Variants in NRG3 observed in about 807,000 individuals in gnomAD.
The protein encoded by NRG3 is pro-neuregulin-3, membrane-bound isoform.
In NRG3, 31 loss-of-function variants were observed where a neutral mutation model predicts 66.9. The observed-to-expected ratio is 0.46, with a 90% CI of 0.35 to 0.63. The LOEUF (loss-of-function observed/expected upper bound fraction) is 0.63, where lower values mean the gene tolerates loss of function less well. Among genes scored for constraint, NRG3 ranks in the 20% least tolerant of loss-of-function variants. The pLI is 0.00. For synonymous variants in NRG3, 393 were observed against 359.4 expected (o/e 1.09, Z -1.06); for missense variants, 910 against 878.9 (o/e 1.04, Z -0.45).
At chr10:82,610,312 T>C (rs546940048) in intron 2 of NRG3, among the ~76,000 whole-genome samples, 1 of 152,322 alleles carries the variant, frequency 6.6e-6, no homozygotes, top group South Asian at 2.1e-4. Flanking sequence ...CCTCTTGCCG[T>C]GTAAAGCAAT....
intron 3 of NRG3, among the ~76,000 whole-genome samples, chr10:82,852,365 G>A (rs972861107): frequency 9.9e-5 from 15 of 152,012 alleles, no homozygotes; most frequent in African/African-American, 3.6e-4. Context: ...AACCTAGATG[G>A]CAGGTTGACA....
At chr10:82,917,728 C>T (rs1845981461) in intron 4 of NRG3, among the ~76,000 whole-genome samples, 2 of 151,852 alleles carry the variant, frequency 1.3e-5, no homozygotes, top group South Asian at 2.1e-4. Flanking sequence ...ATAATGAAGT[C>T]TCTTGCTGCC....
chr10:82,114,424 C>G (rs1319053494), intron 1 of NRG3, among the ~76,000 whole-genome samples: 1 of 152,070 alleles, frequency 6.6e-6, no homozygotes, highest in Non-Finnish European at 1.5e-5. Context: ...CTAAAAAATT[C>G]AAATTATTTT....
At chr10:82,781,390 A>T (rs2060112859) in intron 3 of NRG3, among the ~76,000 whole-genome samples, 1 of 152,158 alleles carries the variant, frequency 6.6e-6, no homozygotes, top group Non-Finnish European at 1.5e-5. Flanking sequence ...ATCTGACCTT[A>T]TCAATTAGGA....
chr10:82,971,185 A>C (rs1357345527), intron 6 of NRG3, among the ~76,000 whole-genome samples: 1 of 152,140 alleles, frequency 6.6e-6, no homozygotes, highest in East Asian at 1.9e-4. Context: ...ATGAAGAATC[A>C]ACCCCCATGA....
chr10:82,430,288 C>T (rs566282658), intron 2 of NRG3, among the ~76,000 whole-genome samples: 5 of 151,610 alleles, frequency 3.3e-5, no homozygotes, highest in East Asian at 2.0e-4. Flanking sequence ...GATGGAGTCT[C>T]GCTCTGTCAC....
intron 2 of NRG3, among the ~76,000 whole-genome samples, chr10:82,532,486 T>A (rs886193750): frequency 6.7e-6 from 1 of 148,318 alleles, no homozygotes; most frequent in Non-Finnish European, 1.5e-5. Context: ...TATAGTACTC[T>A]CTATATATAG....
intron 3 of NRG3, among the ~76,000 whole-genome samples, chr10:82,746,563 C>G (rs917162439): frequency 1.3e-5 from 2 of 152,192 alleles, no homozygotes; most frequent in African/African-American, 4.8e-5. Flanking sequence ...GACACTTCCT[C>G]TCTGTCATCT....
chr10:82,065,380 C>A (rs929734346), intron 1 of NRG3, among the ~76,000 whole-genome samples: 7 of 152,162 alleles, frequency 4.6e-5, no homozygotes, highest in African/African-American at 1.7e-4. Flanking sequence ...TTGATAATAA[C>A]TTTTAGGTAA....
At chr10:82,080,037 A>G (rs996098313) in intron 1 of NRG3, among the ~76,000 whole-genome samples, 13 of 152,218 alleles carry the variant, frequency 8.5e-5, no homozygotes, top group Admixed American at 4.6e-4. Flanking sequence ...TGGAGAAATC[A>G]CAAAAGAACA....
intron 1 of NRG3, among the ~76,000 whole-genome samples, chr10:82,292,546 C>A (rs1487265733): frequency 6.6e-6 from 1 of 152,168 alleles, no homozygotes; most frequent in Non-Finnish European, 1.5e-5. Context: ...ATGTTCATAG[C>A]AGCTATAGTC....
intron 2 of NRG3, among the ~76,000 whole-genome samples, chr10:82,682,435 A>AGATAGATG (rs1554996026): frequency 1.1e-4 from 17 of 151,558 alleles, no homozygotes; most frequent in African/African-American, 4.1e-4. Flanking sequence ...ATAGATAGAT[A>AGATAGATG]GATAATAGAT....
chr10:82,659,368 A>G (rs1183968333), intron 2 of NRG3, among the ~76,000 whole-genome samples: 1 of 152,200 alleles, frequency 6.6e-6, no homozygotes, highest in African/African-American at 2.4e-5. Flanking sequence ...ACACATTAAA[A>G]TATTCTAGGC....
intron 2 of NRG3, among the ~76,000 whole-genome samples, chr10:82,521,277 G>A (rs539452487): frequency 2.0e-5 from 3 of 152,116 alleles, no homozygotes; most frequent in Non-Finnish European, 4.4e-5. Flanking sequence ...CTGGTGGAAG[G>A]TCTTGCCTCG....
At chr10:82,353,055 G>A (rs947770818) in intron 1 of NRG3, among the ~76,000 whole-genome samples, 1 of 152,160 alleles carries the variant, frequency 6.6e-6, no homozygotes, top group Non-Finnish European at 1.5e-5. Context: ...AGAGTATTTG[G>A]TGATTGCGCA....
At position 82,661,296 on chromosome 10, in the gene NRG3, A is replaced by G. The variant is rs548338134; in HGVS notation, c.954-77281A>G. On this transcript the variant is annotated intron_variant, in intron 2 of 8. Coordinates refer to ENST00000372141, the MANE Select transcript of NRG3 (RefSeq NM_001010848.4). ...TATTGAGGAAAACAGCCTTCTCCCC[A>G]GTCCCTGAATATACACCCTTACTCA... is the stretch of plus-strand genomic sequence containing the variant. Among the ~76,000 whole-genome samples, 12 of 152,260 alleles carry G rather than the reference A, an allele frequency of 7.9e-5. No homozygotes were observed. The South Asian group carries it at 2.5e-3, about 32-fold the overall frequency.
At chr10:82,884,515 A>G (rs948669082) in intron 4 of NRG3, among the ~76,000 whole-genome samples, 3 of 152,190 alleles carry the variant, frequency 2.0e-5, no homozygotes, top group Non-Finnish European at 4.4e-5. Flanking sequence ...TAATTTTTAA[A>G]ATGCCATTGT....
intron 1 of NRG3, among the ~76,000 whole-genome samples, chr10:82,010,137 T>G (rs2132626084): frequency 6.6e-6 from 1 of 152,268 alleles, no homozygotes; most frequent in South Asian, 2.1e-4. Context: ...GTGAAGGAAT[T>G]TCCAATAAGT....
intron 1 of NRG3, among the ~76,000 whole-genome samples, chr10:82,028,140 C>T (rs1589832778): frequency 6.6e-6 from 1 of 152,034 alleles, no homozygotes; most frequent in African/African-American, 2.4e-5. Context: ...CCTCTTCCTG[C>T]TTTTTTCTAC....
Sources: gnomAD v4.1 joint callset for allele counts (sites outside exome capture counted in the v4.1 genomes callset) on GRCh38, gnomAD v4.1.1 for gene constraint, MANE v1.5 for transcripts, NCBI Gene and HGNC (gene_info 2026-07-23, HGNC 2026-07-21) for gene names.